AKAP9: variants seen among roughly 807,000 people sequenced by gnomAD.
AKAP9 encodes A-kinase anchor protein 9.
Under a neutral mutation model 488.5 loss-of-function variants are expected in AKAP9, and 311 were observed. The ratio of observed to expected loss-of-function variants is 0.64; its 90% CI spans 0.58 to 0.70. AKAP9 has a LOEUF of 0.70. AKAP9 is among the 30% of genes least tolerant of loss of function. The probability of loss-of-function intolerance (pLI) is 0.00; values close to 1 mark genes in which losing one functional copy is unlikely to be tolerated. For synonymous variants in AKAP9, 1,462 were observed against 1,483.5 expected, an observed-to-expected ratio of 0.99 and a Z score of 0.33; for missense variants, 4,215 against 4,374.5, an observed-to-expected ratio of 0.96 and a Z score of 1.03.
chr7:92,038,715 G>A lies in AKAP9; in HGVS notation c.4635G>A (p.Val1545=). Reference sequence around the variant, plus strand: ...ATATACCAGAATCAAAGGACTGTGTGCTGACTATTTCAGAAGAAATGTTCT... The same window carrying A: ...ATATACCAGAATCAAAGGACTGTGTACTGACTATTTCAGAAGAAATGTTCT... ...PHDIPESKDC[V]LTISEEMFSK... is the part of the protein sequence containing the mutation. The change falls in exon 17 of 50, where the codon GTG becomes GTA. Residue 1545 remains valine (V), a synonymous_variant. Transcript: ENST00000356239. The A allele has an allele frequency of 1.2e-6, 2 of 1,607,314 alleles. No individual in the cohort carries two copies. Among genetic ancestry groups the A allele is most frequent in the African/African-American group, 1.3e-5 (1 of 74,516 alleles).
At position 92,038,593 on chromosome 7, in the gene AKAP9, A is replaced by G. The variant is rs1228321833; in HGVS notation, c.4513A>G (p.Thr1505Ala). The change falls in exon 17 of 50, where the codon ACA (threonine) becomes GCA (alanine). Residue 1505 changes from threonine to alanine, a missense_variant. Thr to Ala is a moderately conservative substitution (Grantham distance 58, BLOSUM62 0). Transcript: ENST00000356239. Reference sequence around the variant, plus strand: ...TCAAATTGGTTTTCAGACTTTTGAGACAGTGGATGTGAAATTTAAAGAAGA... The same window carrying G: ...TCAAATTGGTTTTCAGACTTTTGAGGCAGTGGATGTGAAATTTAAAGAAGA... ...QDQIGFQTFETVDVKFKEEFK... is the reference protein window; with the variant it reads ...QDQIGFQTFEAVDVKFKEEFK... The G allele has an allele frequency of 2.5e-6, 4 of 1,613,938 alleles. No individual in the cohort carries two copies. The highest frequency in any genetic ancestry group is 1.3e-5 in the African/African-American group (1 of 75,044).
intron 1 of AKAP9, among the ~76,000 whole-genome samples, chr7:91,968,083 A>G (rs754239896): frequency 6.6e-6 from 1 of 152,092 alleles, no homozygotes. Context: ...GACCACAGGC[A>G]TGTGCCACCA....
chr7:92,107,244 G>A (rs768820991), intron 47 of AKAP9, 49 bp from the exon 48 acceptor site: 2 of 1,602,810 alleles, frequency 1.2e-6, no homozygotes, highest in East Asian at 2.2e-5. Context: ...ATTTTTTAAG[G>A]TCTTGGGATT....
intron 37 of AKAP9, among the ~76,000 whole-genome samples, chr7:92,088,850 A>G (rs912891996): frequency 6.6e-6 from 1 of 152,170 alleles, no homozygotes; most frequent in African/African-American, 2.4e-5. Flanking sequence ...TACTAATACC[A>G]TTTTCCTGGT....
intron 3 of AKAP9, among the ~76,000 whole-genome samples, chr7:91,981,069 A>G (rs528992132): frequency 6.6e-6 from 1 of 152,344 alleles, no homozygotes; most frequent in African/African-American, 2.4e-5. Flanking sequence ...CTACTTTAGA[A>G]GTTAATGTGC....
intron 7 of AKAP9, 42 bp from the exon 8 acceptor site, chr7:92,000,806 G>A (rs1420156631): frequency 9.2e-7 from 1 of 1,082,202 alleles, no homozygotes; most frequent in Non-Finnish European, 1.3e-6. Context: ...TTTGCCAGAA[G>A]CTAAAAATGC....
intron 1 of AKAP9, among the ~76,000 whole-genome samples, chr7:91,970,925 A>G (rs1173204397): frequency 6.6e-6 from 1 of 152,154 alleles, no homozygotes; most frequent in Non-Finnish European, 1.5e-5. Flanking sequence ...TATTTCTTGA[A>G]TAAGATTTCT....
intron 24 of AKAP9, among the ~76,000 whole-genome samples, chr7:92,064,362 G>A (rs1367466994): frequency 2.0e-5 from 3 of 151,596 alleles, no homozygotes; most frequent in Non-Finnish European, 4.4e-5. Context: ...TTCATTAGAA[G>A]ATTGTTTTAT....
Position 92,079,503 on chromosome 7 carries a change from A to G in AKAP9, c.7370A>G (p.His2457Arg). The change falls in exon 31 of 50, where the codon CAT becomes CGT. Residue 2457 changes from histidine (H) to arginine (R), a missense_variant. This residue lies in a region of AKAP9 where 1,476 missense variants were observed against 1,477.4 expected (regional missense o/e 1.00). Coordinates refer to ENST00000356239, the MANE Select transcript of AKAP9 (RefSeq NM_005751.5). ...AATAGTGTTAACGTGGCTATAGATC[A>G]TCTGAGCAAAGACAAACCTGAACTA... ...PENSVNVAID[H>R]LSKDKPELEV... 1 of 1,613,964 alleles carries G rather than the reference A, an allele frequency of 6.2e-7. No individual in the cohort carries two copies. The highest frequency in any genetic ancestry group is 8.5e-7 in the Non-Finnish European group (1 of 1,180,002).
chr7:92,060,147 G>C (rs6969981), intron 22 of AKAP9, among the ~76,000 whole-genome samples: 60,814 of 151,776 alleles, frequency 0.4, 12,475 homozygotes, highest in African/African-American at 0.46. Flanking sequence ...GATGTGAAAA[G>C]TGGAAGTCTT....
Position 91,940,863 on chromosome 7 carries a change from T to G in AKAP9, c.-237T>G. On this transcript the variant is annotated 5_prime_UTR_variant, in exon 1 of 50. Transcript: ENST00000356239. ...TTCCAGCCCCTCCCGCCTCGCCGTG[T>G]GTTTACGTGGAGACGAAGATGGCGG... The G allele has an allele frequency of 1.8e-6, 1 of 565,556 alleles. No homozygotes were observed. The highest frequency in any genetic ancestry group is 3.2e-6 in the Non-Finnish European group (1 of 313,328). 35.0% of individuals were successfully genotyped at this position (565,556 alleles called of 1,614,324 possible). A position where few individuals can be genotyped will look rare whatever the true frequency, so the allele number is the denominator to read the frequency against.
At chr7:92,077,164 C>T (rs1262795329) in intron 29 of AKAP9, among the ~76,000 whole-genome samples, 157 bp downstream of exon 29, 1 of 135,060 alleles carries the variant, frequency 7.4e-6, no homozygotes, top group Non-Finnish European at 1.5e-5. Flanking sequence ...GGTGTGATCT[C>T]GGCTCATTGC....
chr7:92,010,398 C>T (rs1331809384), intron 8 of AKAP9, among the ~76,000 whole-genome samples: 1 of 152,244 alleles, frequency 6.6e-6, no homozygotes, highest in East Asian at 1.9e-4. Context: ...GACTCAAAGC[C>T]TTTGTCATTA....
intron 1 of AKAP9, among the ~76,000 whole-genome samples, chr7:91,947,354 T>TC (rs1191617229): frequency 1.3e-5 from 2 of 151,474 alleles, no homozygotes; most frequent in East Asian, 1.9e-4. Context: ...CATTTTTTTT[T>TC]CCCCCCGAGA....
Position 91,974,773 on chromosome 7 carries a change from G to A in AKAP9, c.306+805G>A, listed in dbSNP as rs184352088. Reference sequence around the variant, plus strand: ...TATTTAGGTTTTTAATTTTTTTAATGTTACCTTGTTTTCAGTGTAAACGTC... The same window carrying A: ...TATTTAGGTTTTTAATTTTTTTAATATTACCTTGTTTTCAGTGTAAACGTC... On this transcript the variant is annotated intron_variant, in intron 2 of 49. Coordinates refer to ENST00000356239, the MANE Select transcript of AKAP9 (RefSeq NM_005751.5). Among the ~76,000 whole-genome samples, 16 of 152,086 alleles carry A rather than the reference G, an allele frequency of 1.1e-4. No homozygotes were observed. The East Asian group carries it at 2.9e-3, about 28-fold the overall frequency.
In AKAP9 at chr7:91,992,965, TGA is replaced by T; in HGVS notation, c.488_489del (p.Glu163ValfsTer7). 6.2e-7 allele frequency: 1 copy of T among 1,613,926 alleles called. No individual in the cohort carries two copies. The highest frequency in any genetic ancestry group is 8.5e-7 in the Non-Finnish European group (1 of 1,179,960). ...SPTHLEMMES[E>X]LAGKQHEIEE... ...CGACTCATCTAGAGATGATGGAAAG[TGA>T]GTTGGCTGGGAAGCAGCATGAGATT... On this transcript the variant is annotated frameshift_variant, in exon 5 of 50. Transcript: ENST00000356239. LOFTEE classifies it high-confidence loss of function.
At chr7:91,989,701 C>T (rs901269348) in intron 3 of AKAP9, among the ~76,000 whole-genome samples, 3 of 151,950 alleles carry the variant, frequency 2.0e-5, no homozygotes, top group Non-Finnish European at 1.5e-5. Context: ...ACTGCAACTC[C>T]ATAAGTCATT....
At chr7:92,005,758 C>T (rs1039617298) in intron 8 of AKAP9, among the ~76,000 whole-genome samples, 4 of 152,066 alleles carry the variant, frequency 2.6e-5, no homozygotes, top group Non-Finnish European at 4.4e-5. Flanking sequence ...CTCCGCCTCC[C>T]GGGTTCAATC....
chr7:91,996,238 C>T (rs753167621), intron 7 of AKAP9, among the ~76,000 whole-genome samples: 1 of 152,000 alleles, frequency 6.6e-6, no homozygotes, highest in Non-Finnish European at 1.5e-5. Context: ...ACTTATTTAG[C>T]AAATAAGTTC....
Sources: gnomAD v4.1 joint callset for allele counts (sites outside exome capture counted in the v4.1 genomes callset) on GRCh38, gnomAD v4.1.1 for gene constraint, gnomAD v4.1.1 regional missense constraint, MANE v1.5 for transcripts, NCBI Gene and HGNC (gene_info 2026-07-23, HGNC 2026-07-21) for gene names.